Variants in NUMB observed in about 807,000 individuals in gnomAD.
NUMB encodes protein numb homolog.
A neutral mutation model predicts 59.7 loss-of-function variants in NUMB; 29 were observed. The observed-to-expected ratio is 0.49, with a 90% CI of 0.36 to 0.66. The LOEUF (loss-of-function observed/expected upper bound fraction) is 0.66. Among genes scored for constraint, NUMB ranks in the 30% least tolerant of loss-of-function variants. The probability of loss-of-function intolerance (pLI) is 0.00; values close to 1 mark genes in which losing one functional copy is unlikely to be tolerated. For synonymous variants in NUMB, 288 were observed against 288.2 expected (o/e 1.00, Z 0.01); for missense variants, 723 against 822.0 (o/e 0.88, Z 1.47).
chr14:73,445,985 C>T (rs920489845), intron 1 of NUMB, among the ~76,000 whole-genome samples: 1 of 150,126 alleles, frequency 6.7e-6, no homozygotes, highest in Non-Finnish European at 1.5e-5. Flanking sequence ...TTTAATATTG[C>T]AAAATAACTT....
At chr14:73,412,438 A>G (rs897864140) in intron 1 of NUMB, among the ~76,000 whole-genome samples, 4 of 151,724 alleles carry the variant, frequency 2.6e-5, no homozygotes, top group Non-Finnish European at 5.9e-5. Context: ...AACCAGCCTG[A>G]CCAACATAGA....
At chr14:73,400,821 T>C (rs891921640) in intron 2 of NUMB, among the ~76,000 whole-genome samples, 1 of 152,256 alleles carries the variant, frequency 6.6e-6, no homozygotes, top group Non-Finnish European at 1.5e-5. Context: ...GTGGCACACC[T>C]GAAGAAGGCA....
rs973597992 is a variant in NUMB, at chr14:73,276,969, G to C, written c.1565C>G (p.Pro522Arg). 1.9e-6 allele frequency: 3 copies of C among 1,614,172 alleles called. No homozygotes were observed. Among genetic ancestry groups the C allele is most frequent in the Non-Finnish European group, 2.5e-6 (3 of 1,180,034 alleles). Residue 522 changes from proline to arginine, a missense_variant, in exon 13 of 13, where the codon CCT (proline) becomes CGT (arginine). Physicochemically the swap from Pro to Arg is moderately radical, Grantham distance 103. This residue lies in a region of NUMB where 406 missense variants were observed against 385.4 expected (regional missense o/e 1.05). Transcript: ENST00000555238. ...PVANGMPYPAPNVPVVGITPS... is the reference protein window; with the variant it reads ...PVANGMPYPARNVPVVGITPS... Reference sequence around the variant, plus strand: ...AGTGATGCCCACCACAGGCACATTAGGGGCTGGATAGGGCATTCCATTGGC... The same window carrying C: ...AGTGATGCCCACCACAGGCACATTACGGGCTGGATAGGGCATTCCATTGGC...
intron 1 of NUMB, among the ~76,000 whole-genome samples, chr14:73,430,804 G>C (rs1897793200): frequency 6.6e-6 from 1 of 151,942 alleles, no homozygotes; most frequent in Admixed American, 6.6e-5. Flanking sequence ...AATTAGCTGG[G>C]TGTGGTGGCG....
At chr14:73,440,988 C>T (rs1883026169) in intron 1 of NUMB, among the ~76,000 whole-genome samples, 1 of 149,834 alleles carries the variant, frequency 6.7e-6, no homozygotes, top group African/African-American at 2.4e-5. Flanking sequence ...AACTTTTGTG[C>T]TTCAAAGAAC....
chr14:73,362,162 T>G (rs917684044), intron 3 of NUMB, among the ~76,000 whole-genome samples: 4 of 150,816 alleles, frequency 2.7e-5, no homozygotes, highest in Non-Finnish European at 5.9e-5. Flanking sequence ...GGGGCTGGGG[T>G]GGGAGGGTCA....
intron 1 of NUMB, among the ~76,000 whole-genome samples, chr14:73,417,875 G>A (rs1010839758): frequency 6.6e-6 from 1 of 152,190 alleles, no homozygotes; most frequent in Non-Finnish European, 1.5e-5. Flanking sequence ...GGGAGGATGA[G>A]GTAGGTAGAT....
intron 9 of NUMB, chr14:73,286,847 AG>A (rs1435132516): frequency 1.3e-5 from 6 of 461,002 alleles, no homozygotes; most frequent in African/African-American, 9.8e-5. Flanking sequence ...GATGGGAGGA[AG>A]GGGGTAAGAG....
At chr14:73,453,475 G>T (rs1485853969) in intron 1 of NUMB, among the ~76,000 whole-genome samples, 1 of 151,972 alleles carries the variant, frequency 6.6e-6, no homozygotes, top group East Asian at 1.9e-4. Flanking sequence ...TGGCAATATT[G>T]TACCTAGTAT....
At chr14:73,410,312 A>G (rs575114104) in intron 1 of NUMB, among the ~76,000 whole-genome samples, 3 of 152,248 alleles carry the variant, frequency 2.0e-5, no homozygotes, top group Non-Finnish European at 2.9e-5. Flanking sequence ...CTTAAGAGCT[A>G]TACGATCTCA....
chr14:73,299,558 TATGTCATATATATGACATGAC>T (rs1462624779), intron 6 of NUMB, among the ~76,000 whole-genome samples: 3 of 127,884 alleles, frequency 2.3e-5, no homozygotes, highest in Admixed American at 8.3e-5. Flanking sequence ...ATGTATCATA[TATGTCATATATATGACATGAC>T]ATATGTCATG....
intron 2 of NUMB, among the ~76,000 whole-genome samples, chr14:73,389,916 A>G (rs570919308): frequency 6.6e-6 from 1 of 152,334 alleles, no homozygotes; most frequent in South Asian, 2.1e-4. Flanking sequence ...AAGACCACCA[A>G]AAGTTTAATC....
At chr14:73,416,725 C>T (rs1897141144) in intron 1 of NUMB, among the ~76,000 whole-genome samples, 1 of 151,912 alleles carries the variant, frequency 6.6e-6, no homozygotes, top group Non-Finnish European at 1.5e-5. Flanking sequence ...CCTGTAAATC[C>T]CAGCTACTTG....
chr14:73,319,003 G>A (rs548342577), intron 5 of NUMB, among the ~76,000 whole-genome samples: 13 of 152,350 alleles, frequency 8.5e-5, no homozygotes, highest in East Asian at 5.8e-4. Flanking sequence ...GCTGGGCGCA[G>A]TGGCTCATGC....
intron 4 of NUMB, among the ~76,000 whole-genome samples, chr14:73,335,125 A>C (rs2139960363): frequency 6.6e-6 from 1 of 151,892 alleles, no homozygotes; most frequent in South Asian, 2.1e-4. Context: ...CAATCCCTCA[A>C]TGTTTTCATT....
intron 1 of NUMB, among the ~76,000 whole-genome samples, chr14:73,435,928 T>C (rs538026475): frequency 6.6e-6 from 1 of 151,672 alleles, no homozygotes; most frequent in African/African-American, 2.4e-5. Context: ...ATTGCTTGAA[T>C]TGAAAAGGTG....
At chr14:73,334,854 CAGG>C (rs903781358) in intron 4 of NUMB, among the ~76,000 whole-genome samples, 4 of 148,652 alleles carry the variant, frequency 2.7e-5, no homozygotes, top group African/African-American at 7.4e-5. Context: ...GAAGCTAAGG[CAGG>C]AGAATAGCTT....
chr14:73,352,638 G>A (rs144799467), intron 4 of NUMB, among the ~76,000 whole-genome samples: 4,051 of 142,604 alleles, frequency 0.028, 85 homozygotes, highest in Middle Eastern at 0.082. Flanking sequence ...TGGTTCACGC[G>A]ATTCTCCTGC....
chr14:73,388,819 C>T (rs1895682133), intron 2 of NUMB, among the ~76,000 whole-genome samples: 1 of 151,400 alleles, frequency 6.6e-6, no homozygotes, highest in South Asian at 2.1e-4. Flanking sequence ...TACAATGGGC[C>T]GGGCGCAGTG....
Sources: gnomAD v4.1 joint callset for allele counts (sites outside exome capture counted in the v4.1 genomes callset) on GRCh38, gnomAD v4.1.1 for gene constraint, gnomAD v4.1.1 regional missense constraint, MANE v1.5 for transcripts, NCBI Gene and HGNC (gene_info 2026-07-23, HGNC 2026-07-21) for gene names.